MAPK10: variants seen among roughly 807,000 people sequenced by gnomAD.
The protein encoded by MAPK10 is JNK3 alpha protein kinase.
In MAPK10, 25 loss-of-function variants were observed where a neutral mutation model predicts 59.3. That is an observed-to-expected ratio of 0.42 (90% CI 0.31 to 0.59). The LOEUF is 0.59. MAPK10 is among the 20% of genes least tolerant of loss of function. MAPK10 has a pLI of 0.15. For missense variants in MAPK10, 351 were observed against 568.9 expected, an observed-to-expected ratio of 0.62 and a Z score of 3.90; for synonymous variants, 190 against 200.5, an observed-to-expected ratio of 0.95 and a Z score of 0.44.
At chr4:86,374,964 T>C (rs773704537) in intron 1 of MAPK10, among the ~76,000 whole-genome samples, 2 of 152,220 alleles carry the variant, frequency 1.3e-5, no homozygotes, top group Non-Finnish European at 2.9e-5. Context: ...CAAATATTCA[T>C]TGAATTCATC....
chr4:86,299,470 A>G (rs1050359813), intron 2 of MAPK10, among the ~76,000 whole-genome samples: 2 of 152,164 alleles, frequency 1.3e-5, no homozygotes, highest in Non-Finnish European at 2.9e-5. Context: ...TCATCAGGTG[A>G]GGTTAAAGCA....
intron 1 of MAPK10, among the ~76,000 whole-genome samples, chr4:86,542,726 A>G (rs1425917822): frequency 1.3e-5 from 2 of 152,204 alleles, no homozygotes; most frequent in South Asian, 2.1e-4. Context: ...AAAATTTCCC[A>G]GTATGCTAGC....
At chr4:86,335,482 C>T (rs112753553) in intron 2 of MAPK10, among the ~76,000 whole-genome samples, 2,539 of 152,222 alleles carry the variant, frequency 0.017, 58 homozygotes, top group African/African-American at 0.049. Context: ...ACTAAAAATA[C>T]GGTTTTTTAA....
intron 2 of MAPK10, among the ~76,000 whole-genome samples, chr4:86,279,852 T>C (rs1202016949): frequency 6.6e-6 from 1 of 150,424 alleles, no homozygotes; most frequent in African/African-American, 2.5e-5. Flanking sequence ...TCTGACTACG[T>C]TGTTTCCCGC....
chr4:86,185,658 A>G (rs1281004688), intron 3 of MAPK10, among the ~76,000 whole-genome samples: 1 of 152,150 alleles, frequency 6.6e-6, no homozygotes, highest in African/African-American at 2.4e-5. Flanking sequence ...GCAAGAGATA[A>G]GGGTATCTTT....
At chr4:86,121,775 T>G (rs1023227018) in intron 4 of MAPK10, among the ~76,000 whole-genome samples, 3 of 152,162 alleles carry the variant, frequency 2.0e-5, no homozygotes, top group Admixed American at 2.0e-4. Flanking sequence ...TATATTCTTA[T>G]GAACTCTAGT....
chr4:86,069,605 ATACATTAGTGTAGTTAAATAAAACCTAAG>A (rs1390024562), intron 9 of MAPK10, among the ~76,000 whole-genome samples: 2 of 152,096 alleles, frequency 1.3e-5, no homozygotes, highest in African/African-American at 4.8e-5. Flanking sequence ...CTTAAATAGA[ATACATTAGTGTAGTTAAATAAAACCTAAG>A]TGCTTGTCAT....
At chr4:86,576,383 G>T (rs1337499862) in intron 1 of MAPK10, among the ~76,000 whole-genome samples, 2 of 152,162 alleles carry the variant, frequency 1.3e-5, no homozygotes, top group Admixed American at 1.3e-4. Flanking sequence ...CTAAACCGGG[G>T]TGGGGGTGTG....
intron 2 of MAPK10, among the ~76,000 whole-genome samples, chr4:86,338,140 G>A (rs868468472): frequency 7.2e-5 from 11 of 152,026 alleles, no homozygotes; most frequent in Admixed American, 5.2e-4. Context: ...TGTCCTAACC[G>A]AAAATCTCAG....
At chr4:86,556,812 A>C (rs1578109028) in intron 1 of MAPK10, among the ~76,000 whole-genome samples, 1 of 152,282 alleles carries the variant, frequency 6.6e-6, no homozygotes, top group South Asian at 2.1e-4. Flanking sequence ...AAATGTTTAA[A>C]ATTTTAAATT....
chr4:86,132,108 T>TG (rs2061111897), intron 4 of MAPK10, among the ~76,000 whole-genome samples: 1 of 152,202 alleles, frequency 6.6e-6, no homozygotes. Flanking sequence ...ATATGAAACT[T>TG]GGATATAATT....
chr4:86,256,883 GGCGCCCGCCATT>G (rs376706235), intron 2 of MAPK10, among the ~76,000 whole-genome samples: 1,317 of 76,062 alleles, frequency 0.017, 23 homozygotes, highest in African/African-American at 0.16. Flanking sequence ...TGGGACTACA[GGCGCCCGCCATT>G]GCGCCCGCCA....
chr4:86,351,353 A>G (rs1731264976), intron 2 of MAPK10, among the ~76,000 whole-genome samples: 1 of 150,930 alleles, frequency 6.6e-6, no homozygotes, highest in African/African-American at 2.4e-5. Context: ...AACATTAGTC[A>G]TACAATGTGT....
chr4:86,544,173 T>C (rs1320864629), intron 1 of MAPK10, among the ~76,000 whole-genome samples: 1 of 152,172 alleles, frequency 6.6e-6, no homozygotes, highest in East Asian at 1.9e-4. Flanking sequence ...ATTAAGTCAT[T>C]ATTCTTAACC....
chr4:86,312,788 T>C (rs1005352505), intron 2 of MAPK10, among the ~76,000 whole-genome samples: 1 of 152,082 alleles, frequency 6.6e-6, no homozygotes, highest in Non-Finnish European at 1.5e-5. Flanking sequence ...GGAAATTGAT[T>C]TGTCAGTCTT....
At chr4:86,024,519 A>G (rs1195973624) in intron 13 of MAPK10, 4 of 152,238 alleles carry the variant, frequency 2.6e-5, no homozygotes, top group Admixed American at 2.0e-4. Context: ...GATTACCTCA[A>G]GCATATATTT....
At chr4:86,442,314 A>T (rs1261167640) in intron 1 of MAPK10, among the ~76,000 whole-genome samples, 1 of 152,106 alleles carries the variant, frequency 6.6e-6, no homozygotes, top group African/African-American at 2.4e-5. Context: ...TTATTACAAA[A>T]TTTTCAAAAA....
chr4:86,480,309 C>T (rs967863234), intron 1 of MAPK10, among the ~76,000 whole-genome samples: 3 of 140,918 alleles, frequency 2.1e-5, no homozygotes, highest in African/African-American at 7.3e-5. Context: ...CCCCACTGAG[C>T]ACCCTGTGAC....
chr4:86,252,542 T>A (rs1294849291), intron 2 of MAPK10, among the ~76,000 whole-genome samples: 3 of 142,806 alleles, frequency 2.1e-5, no homozygotes, highest in African/African-American at 8.4e-5. Flanking sequence ...ATCTCTGTTT[T>A]GGTACCAGTA....
Sources: gnomAD v4.1 joint callset for allele counts (sites outside exome capture counted in the v4.1 genomes callset) on GRCh38, gnomAD v4.1.1 for gene constraint, MANE v1.5 for transcripts, NCBI Gene and HGNC (gene_info 2026-07-23, HGNC 2026-07-21) for gene names.